PCYT1B: variants seen among roughly 807,000 people sequenced by gnomAD.
The protein encoded by PCYT1B is phosphate cytidylyltransferase 1B, choline.
PCYT1B carries 10 observed loss-of-function variants against 26.4 expected under a neutral mutation model. The observed-to-expected ratio is 0.38, with a 90% CI of 0.23 to 0.64. The LOEUF (loss-of-function observed/expected upper bound fraction) is 0.64. Ranked by LOEUF, PCYT1B falls within the 30% of genes least tolerant of loss-of-function variation. The pLI, the probability that PCYT1B is intolerant of heterozygous loss-of-function variation, is 0.56. For missense variants in PCYT1B, 161 were observed against 292.7 expected (o/e 0.55, Z 3.28); for synonymous variants, 131 against 108.4 (o/e 1.21, Z -1.29).
rs1923248275 is a variant in PCYT1B at position 24,558,534 on chromosome X, C to T, written c.*3759G>A. 1 of 108,647 alleles carries T rather than the reference C, an allele frequency of 9.2e-6. No individual in the cohort carries two copies. The highest frequency in any genetic ancestry group is 3.4e-5 in the African/African-American group (1 of 29,739). 9.0% of individuals were successfully genotyped at this position (108,647 alleles called of 1,213,427 possible). A position where few individuals can be genotyped will look rare whatever the true frequency, so the allele number is the denominator to read the frequency against. On this transcript the variant is annotated 3_prime_UTR_variant, in exon 8 of 8. Transcript: ENST00000379144. The stretch of plus-strand genomic sequence containing the variant: ...GCCAGTGACACCGTCTCGCATCTCT[C>T]CCTGGGGTATGACTAGATGCTAAAA...
intron 2 of PCYT1B, among the ~76,000 whole-genome samples, chrX:24,608,204 A>T (rs1925198081): frequency 9.0e-6 from 1 of 111,264 alleles, no homozygotes; most frequent in African/African-American, 3.3e-5. Flanking sequence ...GAGGAGCTCA[A>T]TGGAAAAGGC....
At chrX:24,570,959 C>T (rs758219566) in intron 7 of PCYT1B, among the ~76,000 whole-genome samples, 1 of 112,132 alleles carries the variant, frequency 8.9e-6, no homozygotes, top group South Asian at 3.8e-4. Context: ...GTGAAGGATA[C>T]AGACATGACC....
At position 24,562,468 on chromosome X, in the gene PCYT1B, T is replaced by G; in HGVS notation, c.935A>C (p.Gln312Pro). The change falls in exon 8 of 8, where the codon CAG becomes CCG. Residue 312 changes from glutamine to proline, a missense_variant. This residue lies in a region of PCYT1B where 38 missense variants were observed against 55.9 expected (regional missense o/e 0.68). Coordinates refer to ENST00000379144, the MANE Select transcript of PCYT1B (RefSeq NM_004845.5). Reference protein sequence around the residue: ...MFQERSSRMLQALSPKQSPVS... With the variant: ...MFQERSSRMLPALSPKQSPVS... Reference sequence around the variant, plus strand: ...AGGGCTCTGCTTCGGGGATAAGGCCTGCAGCATCCGGCTGCTCCTCTCCTG... The same window carrying G: ...AGGGCTCTGCTTCGGGGATAAGGCCGGCAGCATCCGGCTGCTCCTCTCCTG... The G allele has an allele frequency of 8.3e-7, 1 of 1,206,456 alleles. No homozygotes were observed. The highest frequency in any genetic ancestry group is 1.8e-5 in the South Asian group (1 of 55,857).
chrX:24,621,019 A>G (rs760461225), intron 1 of PCYT1B, among the ~76,000 whole-genome samples: 1 of 111,985 alleles, frequency 8.9e-6, no homozygotes, highest in South Asian at 3.7e-4. Context: ...GACTCCTACC[A>G]ACTTATTGAC....
At chrX:24,608,713 C>A (rs181960436) in intron 2 of PCYT1B, among the ~76,000 whole-genome samples, 165 of 111,661 alleles carry the variant, frequency 1.5e-3, no homozygotes, top group African/African-American at 4.9e-3. Context: ...CCTCCAGGAA[C>A]CAGGAGACCA....
chrX:24,568,439 G>A (rs893666966), intron 7 of PCYT1B, among the ~76,000 whole-genome samples: 1 of 111,473 alleles, frequency 9.0e-6, no homozygotes, highest in African/African-American at 3.3e-5. Context: ...CTCAGGTTGA[G>A]TGGGGAGAGG....
intron 1 of PCYT1B, among the ~76,000 whole-genome samples, chrX:24,656,358 A>C (rs1316236119): frequency 9.2e-6 from 1 of 108,262 alleles, no homozygotes; most frequent in Non-Finnish European, 1.9e-5. Context: ...TGTGACCAAA[A>C]TTTGAATGTA....
At chrX:24,608,281 C>T (rs1256643056) in intron 2 of PCYT1B, among the ~76,000 whole-genome samples, 11 of 111,425 alleles carry the variant, frequency 9.9e-5, no homozygotes, top group Admixed American at 9.6e-5. Context: ...TCAAAGGCAA[C>T]GATGTACTGG....
chrX:24,648,354 G>T, upstream of PCYT1B, among the ~76,000 whole-genome samples: 1 of 107,746 alleles, frequency 9.3e-6, no homozygotes, highest in East Asian at 2.9e-4. Context: ...TTTAATCTTT[G>T]TGAGAACCCA....
chrX:24,594,973 T>C (rs1924730110), intron 3 of PCYT1B, among the ~76,000 whole-genome samples: 1 of 111,571 alleles, frequency 9.0e-6, no homozygotes, highest in African/African-American at 3.3e-5. Context: ...CTTTAAAACA[T>C]GGTGAAGTTT....
intron 1 of PCYT1B, among the ~76,000 whole-genome samples, chrX:24,619,602 C>T (rs1350370874): frequency 2.7e-5 from 3 of 112,019 alleles, no homozygotes; most frequent in Non-Finnish European, 3.8e-5. Context: ...TACTCAGAAG[C>T]GTGGCACGCC....
intron 1 of PCYT1B, among the ~76,000 whole-genome samples, chrX:24,667,546 G>A (rs367984533): frequency 5.4e-5 from 6 of 110,331 alleles, no homozygotes; most frequent in Non-Finnish European, 1.1e-4. Flanking sequence ...GTGAAATCCC[G>A]TCTCTACTAA....
intron 2 of PCYT1B, among the ~76,000 whole-genome samples, chrX:24,609,253 C>A (rs1819648004): frequency 9.0e-6 from 1 of 110,888 alleles, no homozygotes; most frequent in Non-Finnish European, 1.9e-5. Context: ...TCACTGCAAC[C>A]TCCACCTCCC....
upstream of PCYT1B, among the ~76,000 whole-genome samples, chrX:24,650,462 G>A (rs1926741480): frequency 9.1e-6 from 1 of 109,648 alleles, no homozygotes; most frequent in Admixed American, 9.8e-5. Context: ...TGGGACCACA[G>A]GTGTATGCCA....
chrX:24,619,891 C>G (rs1188883762), intron 1 of PCYT1B, among the ~76,000 whole-genome samples: 4 of 111,614 alleles, frequency 3.6e-5, no homozygotes, highest in Non-Finnish European at 7.5e-5. Context: ...TAGTCAGCCT[C>G]TTAAAATGAA....
At chrX:24,599,228 C>T (rs1207357020) in intron 3 of PCYT1B, among the ~76,000 whole-genome samples, 1 of 111,671 alleles carries the variant, frequency 9.0e-6, no homozygotes, top group Non-Finnish European at 1.9e-5. Context: ...TTGCTTGCAA[C>T]AAATTTGAAG....
upstream of PCYT1B, among the ~76,000 whole-genome samples, chrX:24,649,705 G>C (rs1926724766): frequency 9.0e-6 from 1 of 111,516 alleles, no homozygotes; most frequent in South Asian, 3.8e-4. Flanking sequence ...AATATCTTCT[G>C]TCTCCCTTCC....
intron 1 of PCYT1B, among the ~76,000 whole-genome samples, chrX:24,636,693 C>A (rs1313312821): frequency 8.9e-6 from 1 of 112,552 alleles, no homozygotes; most frequent in Non-Finnish European, 1.9e-5. Context: ...TATCACGTAA[C>A]CTAACACTTC....
At chrX:24,647,352 C>G, upstream of PCYT1B, 2 of 858,750 alleles carry the variant, frequency 2.3e-6, no homozygotes, top group Non-Finnish European at 3.0e-6. Flanking sequence ...GACACTGAAG[C>G]GGCTGGTGCG....
Sources: allele counts gnomAD v4.1 joint callset (sites outside exome capture counted in the v4.1 genomes callset), GRCh38; gene constraint gnomAD v4.1.1; regional missense constraint gnomAD v4.1.1; transcripts MANE v1.5; gene names NCBI Gene and HGNC (gene_info 2026-07-23, HGNC 2026-07-21).